Variants in RBMS3 observed in about 807,000 individuals in gnomAD.
RBMS3 encodes RNA-binding motif, single-stranded-interacting protein 3.
In RBMS3, 27 loss-of-function variants were observed where a neutral mutation model predicts 66.8. The observed-to-expected ratio is 0.40, with a 90% confidence interval of 0.30 to 0.56. RBMS3 has a LOEUF of 0.56. Ranked by LOEUF, RBMS3 falls within the 20% of genes least tolerant of loss-of-function variation. The probability of loss-of-function intolerance (pLI) is 0.40; values close to 1 mark genes in which losing one functional copy is unlikely to be tolerated. For missense variants in RBMS3, 513 were observed against 549.5 expected, an observed-to-expected ratio of 0.93 and a Z score of 0.66; for synonymous variants, 188 against 183.0, an observed-to-expected ratio of 1.03 and a Z score of -0.22.
chr3:29,732,858 T>C (rs1371212090), intron 4 of RBMS3, among the ~76,000 whole-genome samples: 1 of 152,124 alleles, frequency 6.6e-6, no homozygotes, highest in Non-Finnish European at 1.5e-5. Flanking sequence ...AATAACGATA[T>C]TTATAGGCAA....
intron 6 of RBMS3, among the ~76,000 whole-genome samples, chr3:29,806,615 C>T (rs1233308229): frequency 6.6e-6 from 1 of 151,838 alleles, no homozygotes; most frequent in African/African-American, 2.4e-5. Flanking sequence ...TTTTATGTAG[C>T]AAAGAAAACT....
intron 6 of RBMS3, among the ~76,000 whole-genome samples, chr3:29,832,949 T>C (rs139659354): frequency 0.033 from 4,969 of 152,210 alleles, 102 homozygotes; most frequent in Non-Finnish European, 0.052. Context: ...AGCATGACTC[T>C]GCAAGATTGA....
chr3:29,880,924 T>C, intron 7 of RBMS3: 1 of 1,201,052 alleles, frequency 8.3e-7, no homozygotes, highest in Non-Finnish European at 1.2e-6. Context: ...CTCATTCCTC[T>C]GGATTTACCC....
intron 4 of RBMS3, among the ~76,000 whole-genome samples, chr3:29,687,809 G>T: frequency 1.3e-5 from 2 of 152,056 alleles, no homozygotes; most frequent in African/African-American, 4.8e-5. Flanking sequence ...CATAAGTTAC[G>T]AGGGATAATA....
intron 1 of RBMS3, among the ~76,000 whole-genome samples, chr3:29,382,133 G>T (rs1211183529): frequency 6.6e-6 from 1 of 152,150 alleles, no homozygotes; most frequent in Non-Finnish European, 1.5e-5. Flanking sequence ...TTCTCACAAA[G>T]TCCAGATGTT....
At chr3:29,817,349 G>A (rs183180144) in intron 6 of RBMS3, among the ~76,000 whole-genome samples, 17 of 151,840 alleles carry the variant, frequency 1.1e-4, no homozygotes, top group Admixed American at 5.2e-4. Context: ...GATTACAGGC[G>A]TCCACCACCA....
intron 3 of RBMS3, among the ~76,000 whole-genome samples, chr3:29,554,477 A>G (rs543359607): frequency 1.3e-5 from 2 of 152,188 alleles, no homozygotes; most frequent in African/African-American, 2.4e-5. Flanking sequence ...CCTCAGAAGT[A>G]CTTATGAATG....
intron 12 of RBMS3, among the ~76,000 whole-genome samples, chr3:29,957,958 G>T (rs1162506560): frequency 6.6e-6 from 1 of 152,102 alleles, no homozygotes; most frequent in Non-Finnish European, 1.5e-5. Context: ...ATTGTTAATG[G>T]CAATCAGAGC....
chr3:29,519,036 G>A (rs1474805526), intron 3 of RBMS3, among the ~76,000 whole-genome samples: 2 of 152,098 alleles, frequency 1.3e-5, no homozygotes, highest in Non-Finnish European at 2.9e-5. Flanking sequence ...GTGTATTTTC[G>A]TGTTCCAAAA....
intron 4 of RBMS3, among the ~76,000 whole-genome samples, chr3:29,591,798 G>A (rs981272502): frequency 6.6e-6 from 1 of 152,062 alleles, no homozygotes; most frequent in South Asian, 2.1e-4. Flanking sequence ...TTATTCTAGA[G>A]GAAATGTCCG....
chr3:29,891,202 C>A lies in RBMS3; in HGVS notation c.792-6177C>A, dbSNP rs1472632298. Among the ~76,000 whole-genome samples the A allele has an allele frequency of 2.0e-5, 3 of 151,598 alleles. No homozygotes were observed. The East Asian group carries it at 5.9e-4, about 30-fold the overall frequency. ...GAAACATGACACTGAAATAAAGGCCCCCGAAGTTAGCTTGATTGTTAGCTA... is the reference window on the plus strand; with the variant it reads ...GAAACATGACACTGAAATAAAGGCCACCGAAGTTAGCTTGATTGTTAGCTA... On this transcript the variant is annotated intron_variant, in intron 8 of 14. Transcript: ENST00000383767.
intron 2 of RBMS3, chr3:29,435,144 C>A (rs934482674): frequency 7.8e-5 from 39 of 497,580 alleles, no homozygotes; most frequent in Non-Finnish European, 1.1e-5. Context: ...CATGGAAATG[C>A]TGGCTGATTC....
At chr3:29,432,147 G>T (rs1299775196) in intron 1 of RBMS3, among the ~76,000 whole-genome samples, 1 of 152,122 alleles carries the variant, frequency 6.6e-6, no homozygotes, top group African/African-American at 2.4e-5. Context: ...TCTGGCTGAG[G>T]GAAACAATGG....
chr3:29,413,230 T>C (rs2040342598), intron 1 of RBMS3, among the ~76,000 whole-genome samples: 1 of 151,940 alleles, frequency 6.6e-6, no homozygotes, highest in Non-Finnish European at 1.5e-5. Flanking sequence ...ATTAGCTGGA[T>C]GTGGTGGTGT....
chr3:29,672,928 A>G (rs1286911746), intron 4 of RBMS3, among the ~76,000 whole-genome samples: 1 of 152,224 alleles, frequency 6.6e-6, no homozygotes, highest in African/African-American at 2.4e-5. Flanking sequence ...CACCAAGTGG[A>G]CCTAATAGAC....
intron 1 of RBMS3, among the ~76,000 whole-genome samples, chr3:29,379,792 C>T (rs762178344): frequency 2.6e-5 from 4 of 152,064 alleles, no homozygotes; most frequent in Non-Finnish European, 5.9e-5. Flanking sequence ...GATTTATCAG[C>T]GAAGACGACA....
chr3:29,613,083 A>G (rs2149136486), intron 4 of RBMS3, among the ~76,000 whole-genome samples: 1 of 152,240 alleles, frequency 6.6e-6, no homozygotes, highest in African/African-American at 2.4e-5. Flanking sequence ...CCACACATGA[A>G]CAATGCTTCA....
chr3:29,699,842 C>G (rs2052469675), intron 4 of RBMS3, among the ~76,000 whole-genome samples: 1 of 152,186 alleles, frequency 6.6e-6, no homozygotes, highest in Non-Finnish European at 1.5e-5. Flanking sequence ...GTCTGTGTAA[C>G]CTCCTTCAGA....
intron 1 of RBMS3, among the ~76,000 whole-genome samples, chr3:29,376,498 C>T (rs557420245): frequency 3.3e-5 from 5 of 152,194 alleles, no homozygotes; most frequent in Admixed American, 6.5e-5. Flanking sequence ...GGGCCGGGTG[C>T]GGTGGTTCAC....
Sources: allele counts gnomAD v4.1 joint callset (sites outside exome capture counted in the v4.1 genomes callset), GRCh38; gene constraint gnomAD v4.1.1; transcripts MANE v1.5; gene names NCBI Gene and HGNC (gene_info 2026-07-23, HGNC 2026-07-21).